The following ATM variants were observed in gnomAD, a reference collection of about 807,000 sequenced individuals.
ATM encodes serine-protein kinase ATM.
Under a neutral mutation model 387.0 loss-of-function variants are expected in ATM, and 308 were observed. The ratio of observed to expected loss-of-function variants is 0.80; its 90% confidence interval spans 0.73 to 0.87. ATM has a LOEUF of 0.87. ATM is among the 40% of genes least tolerant of loss of function. ATM has a pLI of 0.00. For synonymous variants in ATM, 1,156 were observed against 1,187.3 expected (o/e 0.97, Z 0.54); for missense variants, 3,312 against 3,560.9 (o/e 0.93, Z 1.78).
At chr11:108,309,167 G>A (rs976635857) in intron 38 of ATM, 9 of 637,104 alleles carry the variant, frequency 1.4e-5, no homozygotes, top group African/African-American at 7.3e-5. Context: ...ATCCTGTACA[G>A]TATGTTGGGC....
intron 49 of ATM, among the ~76,000 whole-genome samples, chr11:108,329,462 A>T (rs1043035774): frequency 4.0e-5 from 6 of 151,636 alleles, no homozygotes; most frequent in African/African-American, 9.7e-5. Flanking sequence ...GCTGGAGTAC[A>T]GTGGCGTGAT....
At chr11:108,256,393 C>G (rs569961502) in intron 14 of ATM, 53 bp downstream of exon 14, 1 of 1,553,752 alleles carries the variant, frequency 6.4e-7, no homozygotes, top group Non-Finnish European at 8.8e-7. Flanking sequence ...GAAATGTATT[C>G]CTGTGAAAAT....
chr11:108,296,527 C>T (rs1399097980), intron 32 of ATM, among the ~76,000 whole-genome samples: 1 of 152,184 alleles, frequency 6.6e-6, no homozygotes, highest in African/African-American at 2.4e-5. Flanking sequence ...GCTGGGATTA[C>T]AGGCGTGAGC....
chr11:108,331,127 A>T (rs1378161711), intron 50 of ATM: 2 of 1,052,962 alleles, frequency 1.9e-6, no homozygotes, highest in Admixed American at 4.9e-5. Context: ...CTTCTCAGGA[A>T]TCAAGATCAC....
At chr11:108,282,128 ATT>A (rs749115733) in intron 24 of ATM, among the ~76,000 whole-genome samples, 11 of 138,638 alleles carry the variant, frequency 7.9e-5, no homozygotes, top group Admixed American at 7.2e-5. Flanking sequence ...CACCTGGCTA[ATT>A]TTTTTTTTTT....
In ATM at chr11:108,345,749, C is replaced by CA. The variant is rs587782558; in HGVS notation, c.8432dup (p.Ser2812ValfsTer3). The CA allele has an allele frequency of 2.5e-6, 4 of 1,608,836 alleles. No homozygotes were observed. Among genetic ancestry groups the CA allele is most frequent in the Non-Finnish European group, 3.4e-6 (4 of 1,176,586 alleles). On this transcript the variant is annotated frameshift_variant, in exon 58 of 63. Coordinates refer to ENST00000675843, the MANE Select transcript of ATM (RefSeq NM_000051.4). LOFTEE classifies it high-confidence loss of function. ...ATATATTCTCTATTTAAAGGAGGTGCAAAAAAAGTCTTTTGAAGAGAAATA... is the reference window on the plus strand; with the variant it reads ...ATATATTCTCTATTTAAAGGAGGTGCAAAAAAAAGTCTTTTGAAGAGAAATA...
rs1456550475 is a variant in ATM, at chr11:108,267,284, T to G, written c.2580T>G (p.Asp860Glu). The G allele has an allele frequency of 6.2e-7, 1 of 1,614,136 alleles. No homozygotes were observed. Among genetic ancestry groups the G allele is most frequent in the South Asian group, 1.1e-5 (1 of 91,082 alleles). ...AGTCATCCATGAATCTATTTAACGA[T>G]TACCCTGATAGTAGTGTTAGTGATG... ...EDQSSMNLFN[D>E]YPDSSVSDAN... The change falls in exon 17 of 63, where the codon GAT becomes GAG. Residue 860 changes from aspartate (D) to glutamate (E), a missense_variant. By Grantham distance (45) the Asp-to-Glu change is conservative. Around this residue, in one of 4 missense-constraint regions of ATM, gnomAD observed 1,791 missense variants for 1,804.5 expected, o/e 0.99. Transcript: ENST00000675843.
intron 42 of ATM, 84 bp downstream of exon 42, chr11:108,316,197 C>CAGAT: frequency 3.3e-6 from 4 of 1,226,254 alleles, no homozygotes; most frequent in Non-Finnish European, 3.6e-6. Context: ...TTTACACAGC[C>CAGAT]AGATAAACTC....
At chr11:108,343,184 CCT>C in intron 56 of ATM, 36 bp from the exon 57 acceptor site, 1 of 1,612,810 alleles carries the variant, frequency 6.2e-7, no homozygotes, top group Non-Finnish European at 8.5e-7. Flanking sequence ...TCTTTAATGG[CCT>C]TTTAAAATTA....
rs587778065 is a variant in ATM at position 108,257,583 on chromosome 11, C to T, written c.2353C>T (p.Arg785Cys). The T allele has an allele frequency of 6.8e-6, 11 of 1,613,850 alleles. No individual in the cohort carries two copies. Among genetic ancestry groups the T allele is most frequent in the South Asian group, 2.2e-5 (2 of 91,080 alleles). Residue 785 changes from arginine (R) to cysteine (C), a missense_variant, in exon 15 of 63, where the codon CGT becomes TGT. Around this residue, in one of 4 missense-constraint regions of ATM, gnomAD observed 1,791 missense variants for 1,804.5 expected, o/e 0.99. Transcript: ENST00000675843. ...SLRNMMQLCTRCLSNCTKKSP... is the reference protein window; with the variant it reads ...SLRNMMQLCTCCLSNCTKKSP... ...GAGAAATATGATGCAGCTATGTACA[C>T]GTTGCTTGAGCAACTGTACCAAGGT...
chr11:108,310,226 G>A lies in ATM; in HGVS notation c.5829G>A (p.Lys1943=), dbSNP rs2136014922. 1 of 1,613,550 alleles carries A rather than the reference G, an allele frequency of 6.2e-7. No homozygotes were observed. The change falls in exon 39 of 63, where the codon AAG becomes AAA. Residue 1943 remains lysine, a synonymous_variant. Coordinates refer to ENST00000675843, the MANE Select transcript of ATM (RefSeq NM_000051.4). The part of the protein sequence containing the change: ...WLDLNYLEVA[K]VAQSCAAHFT... Reference sequence around the variant, plus strand: ...ATTTAAATTATCTAGAAGTTGCCAAGGTAGCTCAGTCTTGTGCTGCTCACT... The same window carrying A: ...ATTTAAATTATCTAGAAGTTGCCAAAGTAGCTCAGTCTTGTGCTGCTCACT...
intron 61 of ATM, among the ~76,000 whole-genome samples, chr11:108,362,114 C>A (rs1345706561): frequency 2.9e-5 from 4 of 138,774 alleles, no homozygotes; most frequent in African/African-American, 1.1e-4. Flanking sequence ...AAAAAACAAA[C>A]AACCCCATCA....
In ATM at chr11:108,312,442, A is replaced by T. The variant is rs1060501603; in HGVS notation, c.5950A>T (p.Thr1984Ser). The T allele has an allele frequency of 6.3e-7, 1 of 1,597,228 alleles. No homozygotes were observed. Among genetic ancestry groups the T allele is most frequent in the Admixed American group, 1.7e-5 (1 of 59,992 alleles). Residue 1984 changes from threonine to serine, a missense_variant, in exon 40 of 63, where the codon ACA becomes TCA. Thr to Ser is a moderately conservative substitution (Grantham distance 58, BLOSUM62 1). Around this residue, in one of 4 missense-constraint regions of ATM, gnomAD observed 1,405 missense variants for 1,604.4 expected, o/e 0.88. Transcript: ENST00000675843. ...TGCATTTGAAGAAGGAAGCCAGAGT[A>T]CAACTATTTCTAGCTTGAGTGAAAA... is the stretch of plus-strand genomic sequence containing the variant. ...SLAFEEGSQS[T>S]TISSLSEKSK... is the part of the protein sequence containing the mutation.
rs587781654 is a variant in ATM at position 108,256,221 on chromosome 11, A to G, written c.2131A>G (p.Asn711Asp). 1.9e-6 allele frequency: 3 copies of G among 1,604,320 alleles called. No homozygotes were observed. The highest frequency in any genetic ancestry group is 2.6e-6 in the Non-Finnish European group (3 of 1,173,974). ...LLNNYSSEIT[N>D]SETLVRCSRL... ...ATTTGTGGTTTACTTTAAGATTACA[A>G]ATTCAGAAACTCTTGTCCGGTGTTC... The change falls in exon 14 of 63, where the codon AAT (asparagine) becomes GAT (aspartate). Residue 711 changes from asparagine (N) to aspartate (D), a missense_variant. Physicochemically the swap from Asn to Asp is conservative, Grantham distance 23 (BLOSUM62 1). Transcript: ENST00000675843.
intron 4 of ATM, chr11:108,230,768 C>G (rs2078971498): frequency 6.6e-6 from 1 of 152,272 alleles, no homozygotes; most frequent in Non-Finnish European, 1.5e-5. Context: ...GTGGTGCAAT[C>G]TTGGCTCACT....
At position 108,295,425 on chromosome 11, in the gene ATM, C is replaced by A; in HGVS notation, c.4909+366C>A. ...TACTATGACCTTGAATTCCTGGGTACAAGGAATTCTCCTGTCTCAGCCTTC... is the reference window on the plus strand; with the variant it reads ...TACTATGACCTTGAATTCCTGGGTAAAAGGAATTCTCCTGTCTCAGCCTTC... On this transcript the variant is annotated intron_variant, in intron 32 of 62. Transcript: ENST00000675843. 1.6e-5 allele frequency: 4 copies of A among 253,126 alleles called. No homozygotes were observed. In the South Asian group the frequency reaches 1.9e-4, roughly 12 times the overall value. 15.7% of individuals were successfully genotyped at this position (253,126 alleles called of 1,614,324 possible).
intron 35 of ATM, among the ~76,000 whole-genome samples, chr11:108,302,488 T>G (rs535100914): frequency 7.9e-5 from 12 of 152,242 alleles, no homozygotes; most frequent in African/African-American, 2.4e-4. Context: ...TGGAAGGCAT[T>G]ATAATTCTAA....
At chr11:108,328,121 G>T (rs1476874049) in intron 48 of ATM, among the ~76,000 whole-genome samples, 2 of 152,144 alleles carry the variant, frequency 1.3e-5, no homozygotes, top group Non-Finnish European at 2.9e-5. Flanking sequence ...CACAAGTAAA[G>T]GCTTCAATAT....
intron 22 of ATM, among the ~76,000 whole-genome samples, chr11:108,277,817 TC>T (rs761771710): frequency 2.0e-5 from 3 of 152,202 alleles, no homozygotes; most frequent in Non-Finnish European, 4.4e-5. Flanking sequence ...CCAGAACTGT[TC>T]CTATGTTGCC....
Sources: gnomAD v4.1 joint callset for allele counts (sites outside exome capture counted in the v4.1 genomes callset) on GRCh38, gnomAD v4.1.1 for gene constraint, gnomAD v4.1.1 regional missense constraint, MANE v1.5 for transcripts, NCBI Gene and HGNC (gene_info 2026-07-23, HGNC 2026-07-21) for gene names.